The following NHSL1 variants were observed in gnomAD, a reference collection of about 807,000 sequenced individuals.
The protein encoded by NHSL1 is NHS-like protein 1.
In NHSL1, 48 loss-of-function variants were observed where a neutral mutation model predicts 95.0. The observed-to-expected ratio is 0.51, with a 90% CI of 0.40 to 0.64. NHSL1 has a LOEUF of 0.64. Ranked by LOEUF, NHSL1 falls within the 30% of genes least tolerant of loss-of-function variation. The probability of loss-of-function intolerance (pLI) is 0.00; values close to 1 mark genes in which losing one functional copy is unlikely to be tolerated. For missense variants in NHSL1, 1,971 were observed against 2,077.7 expected (o/e 0.95, Z 1.00); for synonymous variants, 783 against 833.9 (o/e 0.94, Z 1.05).
At chr6:138,678,090 AG>A (rs1175024546) in intron 1 of NHSL1, among the ~76,000 whole-genome samples, 3 of 152,340 alleles carry the variant, frequency 2.0e-5, no homozygotes, top group African/African-American at 7.2e-5. Flanking sequence ...ACTTATTAGC[AG>A]GAAAATTCAG....
Position 138,539,280 on chromosome 6 carries a change from A to C in NHSL1, c.16+6343T>G, listed in dbSNP as rs547018047. ...ATACCATATCCTGCCAAACTGTTTA[A>C]TCATGCAAAATCTATTAATTGCTTA... On this transcript the variant is annotated intron_variant, in intron 1 of 4. Coordinates refer to the NHSL1 transcript ENST00000342260. Among the ~76,000 whole-genome samples, 4 of 152,352 alleles carry C rather than the reference A, an allele frequency of 2.6e-5. No homozygotes were observed. In the South Asian group the frequency reaches 8.3e-4, roughly 32 times the overall value.
chr6:138,668,975 G>A (rs992354509), intron 1 of NHSL1, among the ~76,000 whole-genome samples: 1 of 152,120 alleles, frequency 6.6e-6, no homozygotes, highest in African/African-American at 2.4e-5. Context: ...GGAAGCAAGG[G>A]AAATTGGCCT....
chr6:138,449,328 G>A (rs1169330169), intron 3 of NHSL1, among the ~76,000 whole-genome samples: 1 of 152,086 alleles, frequency 6.6e-6, no homozygotes, highest in Non-Finnish European at 1.5e-5. Flanking sequence ...ATCCACAGAG[G>A]TGTTCTTAGG....
chr6:138,647,748 G>A (rs9495180), intron 1 of NHSL1, among the ~76,000 whole-genome samples: 53,383 of 151,426 alleles, frequency 0.35, 9,971 homozygotes, highest in African/African-American at 0.49. Context: ...TTACAGATGC[G>A]CGCCATGCCC....
At chr6:138,507,992 G>T (rs80014340) in intron 1 of NHSL1, among the ~76,000 whole-genome samples, 2 of 152,120 alleles carry the variant, frequency 1.3e-5, no homozygotes, top group Non-Finnish European at 2.9e-5. Context: ...TACTCTGCAT[G>T]TGCTGAAGCT....
intron 1 of NHSL1, among the ~76,000 whole-genome samples, chr6:138,628,395 T>C (rs1784773944): frequency 6.6e-6 from 1 of 152,176 alleles, no homozygotes; most frequent in South Asian, 2.1e-4. Flanking sequence ...ATCTTTAATA[T>C]GCATATTTTG....
chr6:138,509,262 C>T (rs571486459), intron 1 of NHSL1, among the ~76,000 whole-genome samples: 43 of 152,242 alleles, frequency 2.8e-4, no homozygotes, highest in African/African-American at 1.0e-3. Context: ...AAAATTGATG[C>T]AACCTTTCTT....
chr6:138,610,923 C>A (rs1004225542), intron 1 of NHSL1, among the ~76,000 whole-genome samples: 1 of 152,030 alleles, frequency 6.6e-6, no homozygotes, highest in Non-Finnish European at 1.5e-5. Flanking sequence ...AACAAAAATA[C>A]AAAAATTAGC....
At chr6:138,634,692 T>C (rs1270077016) in intron 1 of NHSL1, among the ~76,000 whole-genome samples, 1 of 152,036 alleles carries the variant, frequency 6.6e-6, no homozygotes, top group Admixed American at 6.6e-5. Flanking sequence ...GTAGACCAAA[T>C]AGACCTAAGA....
intron 1 of NHSL1, among the ~76,000 whole-genome samples, chr6:138,569,018 G>A (rs1783720832): frequency 6.6e-6 from 1 of 152,206 alleles, no homozygotes; most frequent in Non-Finnish European, 1.5e-5. Context: ...ACTGATGGTA[G>A]GAGCTCAGCA....
rs574057068 is a variant in NHSL1 at position 138,446,966 on chromosome 6, G to T, written c.532+35C>A. On this transcript the variant is annotated intron_variant, in intron 4 of 7. Coordinates refer to ENST00000343505, the MANE Select transcript of NHSL1 (RefSeq NM_001144060.2). ...CAAAAAGCTGTAGTCATTCTCCCAA[G>T]TACATTCTGAACCTGTCTGGCTAGC... The T allele has an allele frequency of 5.6e-5, 87 of 1,542,668 alleles. No homozygotes were observed. In the South Asian group the frequency reaches 5.7e-4, roughly 10 times the overall value.
chr6:138,536,547 T>G (rs1223310011), intron 1 of NHSL1, among the ~76,000 whole-genome samples: 1 of 151,190 alleles, frequency 6.6e-6, no homozygotes, highest in Non-Finnish European at 1.5e-5. Context: ...ATCATCTGCA[T>G]TCAATCTTTT....
chr6:138,571,224 G>C (rs1783827397), intron 1 of NHSL1, among the ~76,000 whole-genome samples: 2 of 152,168 alleles, frequency 1.3e-5, no homozygotes, highest in South Asian at 4.1e-4. Flanking sequence ...CATTTTCCTT[G>C]ATGTCACAGC....
chr6:138,448,576 TG>T (rs1233852796), intron 3 of NHSL1, among the ~76,000 whole-genome samples: 1 of 152,230 alleles, frequency 6.6e-6, no homozygotes, highest in African/African-American at 2.4e-5. Context: ...AGCTTTGTTT[TG>T]CCTATATTTG....
chr6:138,648,159 TAC>T (rs367798690), intron 1 of NHSL1, among the ~76,000 whole-genome samples: 4 of 151,534 alleles, frequency 2.6e-5, no homozygotes, highest in African/African-American at 7.3e-5. Flanking sequence ...TTCCAGACCG[TAC>T]ACACACACAC....
At chr6:138,633,327 T>C (rs1322036525) in intron 1 of NHSL1, among the ~76,000 whole-genome samples, 1 of 152,126 alleles carries the variant, frequency 6.6e-6, no homozygotes, top group Non-Finnish European at 1.5e-5. Context: ...AAGATATCAC[T>C]AGCCAAGTAC....
At chr6:138,585,681 G>A (rs763937912) in intron 1 of NHSL1, among the ~76,000 whole-genome samples, 2 of 151,824 alleles carry the variant, frequency 1.3e-5, no homozygotes, top group East Asian at 3.9e-4. Context: ...GCACTGAATC[G>A]CTCCATAAAA....
chr6:138,532,498 A>AC (rs1339818401), intron 1 of NHSL1, among the ~76,000 whole-genome samples: 1 of 152,132 alleles, frequency 6.6e-6, no homozygotes, highest in East Asian at 1.9e-4. Flanking sequence ...GGCAGTGGTG[A>AC]CCCAAGGGCT....
At position 138,447,095 on chromosome 6, in the gene NHSL1, G is replaced by C. The variant is rs1350306860; in HGVS notation, c.438C>G (p.Asn146Lys). The change falls in exon 4 of 8, where the codon AAC becomes AAG. Residue 146 changes from asparagine (N) to lysine (K), a missense_variant. Transcript: ENST00000343505. The part of the protein sequence containing the change: ...SDFSDLNTQT[N>K]WTKSLPLPTP... The stretch of plus-strand genomic sequence containing the variant: ...TTGGCAGTGGAAGCGACTTGGTCCA[G>C]TTCGTCTGAGTATTAAGGTCGGAGA... 6.4e-7 allele frequency: 1 copy of C among 1,551,676 alleles called. No homozygotes were observed. The highest frequency in any genetic ancestry group is 8.7e-7 in the Non-Finnish European group (1 of 1,147,016).
Sources: gnomAD v4.1 joint callset for allele counts (sites outside exome capture counted in the v4.1 genomes callset) on GRCh38, gnomAD v4.1.1 for gene constraint, MANE v1.5 for transcripts, NCBI Gene and HGNC (gene_info 2026-07-23, HGNC 2026-07-21) for gene names.